Variants in XRN1 observed in about 807,000 individuals in gnomAD.
XRN1 encodes 5'-3' exoribonuclease 1.
A neutral mutation model predicts 222.3 loss-of-function variants in XRN1; 67 were observed. The observed-to-expected ratio is 0.30, with a 90% confidence interval of 0.25 to 0.37. The LOEUF is 0.37. XRN1 is among the 10% of genes least tolerant of loss of function. The pLI, the probability that XRN1 is intolerant of heterozygous loss-of-function variation, is 1.00. For missense variants in XRN1, 1,707 were observed against 2,000.2 expected (o/e 0.85, Z 2.80); for synonymous variants, 643 against 652.4 (o/e 0.99, Z 0.22).
chr3:142,362,452 T>C (rs2066670463), intron 29 of XRN1, among the ~76,000 whole-genome samples: 1 of 152,030 alleles, frequency 6.6e-6, no homozygotes, highest in South Asian at 2.1e-4. Flanking sequence ...TTTGTATTTT[T>C]AGTAGAGACG....
intron 33 of XRN1, among the ~76,000 whole-genome samples, chr3:142,338,163 C>T (rs1036584622): frequency 6.6e-6 from 1 of 152,184 alleles, no homozygotes; most frequent in Admixed American, 6.5e-5. Context: ...GCCACCACTT[C>T]CCCAACTCCC....
chr3:142,426,871 A>C (rs775472921), intron 2 of XRN1, 30 bp from the exon 3 acceptor site: 11 of 1,586,106 alleles, frequency 6.9e-6, no homozygotes, highest in Non-Finnish European at 9.5e-6. Context: ...AAGTACCTTA[A>C]GTTTTCTGAA....
chr3:142,436,787 T>A (rs963687160), intron 1 of XRN1, among the ~76,000 whole-genome samples: 6 of 152,166 alleles, frequency 3.9e-5, no homozygotes, highest in Admixed American at 6.5e-5. Flanking sequence ...GCAGGTAAAG[T>A]ATCCTATTTA....
At chr3:142,383,105 A>G (rs1012345721) in intron 22 of XRN1, among the ~76,000 whole-genome samples, 195 bp downstream of exon 22, 7 of 152,228 alleles carry the variant, frequency 4.6e-5, no homozygotes, top group African/African-American at 1.7e-4. Context: ...GCTCAAGACT[A>G]AAAGTATATG....
chr3:142,385,769 A>C (rs1359795216), intron 20 of XRN1, among the ~76,000 whole-genome samples: 1 of 151,818 alleles, frequency 6.6e-6, no homozygotes, highest in African/African-American at 2.4e-5. Context: ...TAAAATTCTG[A>C]TATTATTTTC....
intron 33 of XRN1, among the ~76,000 whole-genome samples, chr3:142,344,203 A>G (rs1369004080): frequency 2.6e-5 from 4 of 152,140 alleles, no homozygotes; most frequent in Non-Finnish European, 5.9e-5. Context: ...AAATAATTGT[A>G]TATTTTTAAA....
Position 142,329,619 on chromosome 3 carries a change from C to A in XRN1, c.4223-4G>T. 1.3e-6 allele frequency: 2 copies of A among 1,526,378 alleles called. No homozygotes were observed. Among genetic ancestry groups the A allele is most frequent in the South Asian group, 2.7e-5 (2 of 74,354 alleles). 94.6% of individuals were successfully genotyped at this position (1,526,378 alleles called of 1,614,324 possible). On this transcript the variant is annotated splice_region_variant and splice_polypyrimidine_tract_variant and intron_variant, in intron 36 of 40. Transcript: ENST00000392981. ...TGAGGCTTGTTCATATAAGATGCTACCAAAAAAGAGAAAAGAGTCTATCTT... is the reference window on the plus strand; with the variant it reads ...TGAGGCTTGTTCATATAAGATGCTAACAAAAAAGAGAAAAGAGTCTATCTT...
intron 37 of XRN1, among the ~76,000 whole-genome samples, chr3:142,323,490 A>G (rs1025129918): frequency 2.0e-5 from 3 of 152,088 alleles, no homozygotes; most frequent in African/African-American, 7.2e-5. Context: ...CCCACTTTTA[A>G]GTTTTAATGT....
intron 1 of XRN1, among the ~76,000 whole-genome samples, chr3:142,437,728 T>A (rs925744288): frequency 1.3e-5 from 2 of 152,108 alleles, no homozygotes; most frequent in Admixed American, 1.3e-4. Context: ...CTGCACAGCA[T>A]AGGAAACAAT....
intron 2 of XRN1, among the ~76,000 whole-genome samples, chr3:142,431,751 A>G (rs920658508): frequency 5.8e-5 from 8 of 138,106 alleles, no homozygotes; most frequent in Admixed American, 1.5e-4. Flanking sequence ...TGGGAGGCGG[A>G]GGTTGTAATG....
chr3:142,446,220 G>C (rs2070496928), intron 1 of XRN1, among the ~76,000 whole-genome samples: 1 of 152,070 alleles, frequency 6.6e-6, no homozygotes. Context: ...TATCCTTCCC[G>C]CCCAGGACTA....
chr3:142,355,534 A>G, intron 31 of XRN1, 38 bp from the exon 32 acceptor site: 1 of 1,268,102 alleles, frequency 7.9e-7, no homozygotes, highest in South Asian at 1.3e-5. Flanking sequence ...AAAATGAAAT[A>G]GGAAGAAATA....
chr3:142,425,518 A>G lies in XRN1; in HGVS notation c.427T>C (p.Leu143=). 1.2e-6 allele frequency: 2 copies of G among 1,612,502 alleles called. No homozygotes were observed. Among genetic ancestry groups the G allele is most frequent in the Non-Finnish European group, 1.7e-6 (2 of 1,179,194 alleles). ...ACAAAATACTTCAGATGTTCATGTA[A>G]CCTGGCCATAAATTCAGTTCCTAAA... ...ITPGTEFMAR[L]HEHLKYFVNM... Residue 143 remains leucine, a synonymous_variant, in exon 4 of 41, where the codon TTA becomes CTA. Transcript: ENST00000392981.
rs773471233 is a variant in XRN1, at chr3:142,312,761, G to A, written c.4622-3C>T. On this transcript the variant is annotated splice_region_variant and splice_polypyrimidine_tract_variant and intron_variant, in intron 39 of 40. Coordinates refer to ENST00000392981, the MANE Select transcript of XRN1 (RefSeq NM_001282857.2). ...AGACGACGAAGGCATTATATTAGCT[G>A]TTAAAAACCAAGGAAAATTTTTCTT... The A allele has an allele frequency of 1.3e-6, 2 of 1,586,472 alleles. No individual in the cohort carries two copies. The highest frequency in any genetic ancestry group is 2.2e-5 in the East Asian group (1 of 44,574).
chr3:142,403,584 A>C, intron 18 of XRN1, 90 bp downstream of exon 18: 1 of 1,196,008 alleles, frequency 8.4e-7, no homozygotes, highest in African/African-American at 1.5e-5. Context: ...TAGAGTTACA[A>C]CATATAATAC....
At chr3:142,327,988 G>C (rs563616352) in intron 37 of XRN1, among the ~76,000 whole-genome samples, 2 of 152,278 alleles carry the variant, frequency 1.3e-5, no homozygotes, top group South Asian at 4.1e-4. Flanking sequence ...TGCTGCAAAA[G>C]ACATGGTTTC....
rs2068574135 is a variant in XRN1 at position 142,411,410 on chromosome 3, A to C, written c.1713+1134T>G. ...TTTGCTCTTCTTTTTCTATCTTCTT[A>C]AGTTAGAAGCTTAGGTAATTTATTT... On this transcript the variant is annotated intron_variant, in intron 15 of 40. Transcript: ENST00000392981. Among the ~76,000 whole-genome samples the C allele has an allele frequency of 3.3e-5, 5 of 151,792 alleles. 1 individual carries two copies. The highest frequency in any genetic ancestry group is 3.3e-4 in the Admixed American group (5 of 15,236).
intron 2 of XRN1, among the ~76,000 whole-genome samples, chr3:142,432,213 T>TTA (rs1179212312): frequency 9.4e-5 from 10 of 106,462 alleles, no homozygotes; most frequent in South Asian, 5.2e-4. Flanking sequence ...ATATAATTAA[T>TTA]TATATATATA....
intron 36 of XRN1, among the ~76,000 whole-genome samples, chr3:142,331,209 G>A (rs909033340): frequency 4.6e-5 from 7 of 152,118 alleles, no homozygotes; most frequent in African/African-American, 9.7e-5. Flanking sequence ...ATCCACTTTT[G>A]TATCAGTCAT....
Sources: gnomAD v4.1 joint callset for allele counts (sites outside exome capture counted in the v4.1 genomes callset) on GRCh38, gnomAD v4.1.1 for gene constraint, MANE v1.5 for transcripts, NCBI Gene and HGNC (gene_info 2026-07-23, HGNC 2026-07-21) for gene names.